CHST13: variants seen among roughly 807,000 people sequenced by gnomAD.
CHST13 encodes C4ST-3.
A neutral mutation model predicts 7.0 loss-of-function variants in CHST13; 1 was observed. The observed-to-expected ratio is 0.14, with a 90% CI of 0.05 to 0.68. The LOEUF (loss-of-function observed/expected upper bound fraction) is 0.68, where lower values mean the gene tolerates loss of function less well. CHST13 is among the 30% of genes least tolerant of loss of function. The pLI, the probability that CHST13 is intolerant of heterozygous loss-of-function variation, is 0.82. For synonymous variants in CHST13, 257 were observed against 240.9 expected (o/e 1.07, Z -0.62); for missense variants, 572 against 507.9 (o/e 1.13, Z -1.21).
intron 1 of CHST13, among the ~76,000 whole-genome samples, chr3:126,526,252 A>G (rs1936534733): frequency 6.6e-6 from 1 of 152,210 alleles, no homozygotes; most frequent in South Asian, 2.1e-4. Flanking sequence ...TGCAGGTGGC[A>G]CACAGGGAGG....
intron 1 of CHST13, among the ~76,000 whole-genome samples, 192 bp downstream of exon 1, chr3:126,524,621 T>C (rs969187672): frequency 4.6e-5 from 7 of 151,972 alleles, no homozygotes; most frequent in Non-Finnish European, 8.8e-5. Context: ...AGGCTCTTGC[T>C]CCTCCTCCGG....
chr3:126,529,648 CTT>C (rs1369620841), intron 1 of CHST13, among the ~76,000 whole-genome samples: 1 of 152,132 alleles, frequency 6.6e-6, no homozygotes, highest in African/African-American at 2.4e-5. Context: ...CCCCACCATG[CTT>C]TGTCTCCTTC....
At chr3:126,536,192 C>T (rs1274095846) in intron 1 of CHST13, 79 bp from the exon 2 acceptor site, 5 of 1,227,278 alleles carry the variant, frequency 4.1e-6, no homozygotes, top group Admixed American at 3.5e-5. Flanking sequence ...TCAAATGTGC[C>T]TAGATGGGTT....
Position 126,542,809 on chromosome 3 carries a change from C to A in CHST13, c.*231C>A, listed in dbSNP as rs1937000637. ...GCCTGTCGCCTGAGGCCTGCTTCCTCCACTTGCTCCAGCTGACAGGCACCT... is the reference window on the plus strand; with the variant it reads ...GCCTGTCGCCTGAGGCCTGCTTCCTACACTTGCTCCAGCTGACAGGCACCT... On this transcript the variant is annotated 3_prime_UTR_variant, in exon 3 of 3. Coordinates refer to ENST00000319340, the MANE Select transcript of CHST13 (RefSeq NM_152889.3). The A allele has an allele frequency of 2.1e-6, 1 of 468,002 alleles. No homozygotes were observed. Among genetic ancestry groups the A allele is most frequent in the Non-Finnish European group, 3.5e-6 (1 of 284,470 alleles). The allele number at this position is 468,002 out of a possible 1,614,324, so 29.0% of individuals were successfully genotyped here.
intron 2 of CHST13, among the ~76,000 whole-genome samples, chr3:126,539,792 C>A (rs1434373768): frequency 2.6e-5 from 1 of 37,958 alleles, no homozygotes; most frequent in East Asian, 9.2e-4. Context: ...CACCACACAC[C>A]ACAGACACCA....
chr3:126,528,416 C>T (rs1299236083), intron 1 of CHST13, among the ~76,000 whole-genome samples: 3 of 152,098 alleles, frequency 2.0e-5, no homozygotes, highest in East Asian at 1.9e-4. Flanking sequence ...TAAAGAGTGC[C>T]GTGGCTGGAG....
rs565486145 is a variant in CHST13 at position 126,541,354 on chromosome 3, A to C, written c.181-379A>C. On this transcript the variant is annotated intron_variant, in intron 2 of 2. Transcript: ENST00000319340. ...GCAGTTTTCAATTGGGTGTGGAATT[A>C]AACAGCGCTGCTTCTTATGCAGCCT... is the stretch of plus-strand genomic sequence containing the variant. Among the ~76,000 whole-genome samples, 10 of 152,332 alleles carry C rather than the reference A, an allele frequency of 6.6e-5. No homozygotes were observed. The South Asian group carries it at 1.9e-3, about 28-fold the overall frequency.
Position 126,542,393 on chromosome 3 carries a change from G to T in CHST13, c.841G>T (p.Ala281Ser). The stretch of plus-strand genomic sequence containing the variant: ...GGACGCGGCCTTCGTGCTGGGCCTG[G>T]CGGGCGCATCCGACCTGAGCTTCCC... ...AEDAAFVLGL[A>S]GASDLSFPGP... The change falls in exon 3 of 3, where the codon GCG becomes TCG. Residue 281 changes from alanine to serine, a missense_variant. Coordinates refer to ENST00000319340, the MANE Select transcript of CHST13 (RefSeq NM_152889.3). 6.4e-7 allele frequency: 1 copy of T among 1,556,474 alleles called. No individual in the cohort carries two copies. The highest frequency in any genetic ancestry group is 8.7e-7 in the Non-Finnish European group (1 of 1,153,402).
chr3:126,533,735 T>G (rs1045592661), intron 1 of CHST13, among the ~76,000 whole-genome samples: 14 of 152,216 alleles, frequency 9.2e-5, no homozygotes, highest in Admixed American at 9.2e-4. Flanking sequence ...ACTGGCCTTA[T>G]GTAATGAGTT....
At chr3:126,535,007 G>A (rs1936740887) in intron 1 of CHST13, among the ~76,000 whole-genome samples, 1 of 147,156 alleles carries the variant, frequency 6.8e-6, no homozygotes, top group Non-Finnish European at 1.5e-5. Context: ...CAGACAGACA[G>A]CATCCCTGTC....
intron 1 of CHST13, among the ~76,000 whole-genome samples, chr3:126,535,852 T>C (rs115383224): frequency 0.012 from 1,808 of 152,372 alleles, 36 homozygotes; most frequent in African/African-American, 0.041. Flanking sequence ...CCTTTCTGGC[T>C]GCCCATACAC....
intron 2 of CHST13, among the ~76,000 whole-genome samples, chr3:126,540,029 GCACACCA>G (rs1054436908): frequency 1.1e-4 from 13 of 123,696 alleles, no homozygotes; most frequent in African/African-American, 3.3e-4. Context: ...CCACACACAC[GCACACCA>G]CACACCACAC....
chr3:126,524,524 CTGT>C (rs1316986524), intron 1 of CHST13, 95 bp downstream of exon 1: 3 of 398,410 alleles, frequency 7.5e-6, no homozygotes, highest in African/African-American at 2.1e-5. Flanking sequence ...CGGGGGACAC[CTGT>C]TGTCTCCTTC....
At chr3:126,528,476 G>A (rs1249572137) in intron 1 of CHST13, among the ~76,000 whole-genome samples, 1 of 152,176 alleles carries the variant, frequency 6.6e-6, no homozygotes, top group African/African-American at 2.4e-5. Flanking sequence ...GCCTTGGGGG[G>A]AACCAGGGAT....
intron 1 of CHST13, among the ~76,000 whole-genome samples, chr3:126,533,827 A>G (rs1005599725): frequency 1.3e-5 from 2 of 152,178 alleles, no homozygotes; most frequent in South Asian, 4.1e-4. Context: ...AGTAAAATTT[A>G]CCAGTGAAGC....
At chr3:126,525,114 T>C (rs1485242483) in intron 1 of CHST13, among the ~76,000 whole-genome samples, 1 of 152,252 alleles carries the variant, frequency 6.6e-6, no homozygotes, top group East Asian at 1.9e-4. Flanking sequence ...ACAGGTGTGG[T>C]GGCAACGTGC....
chr3:126,541,113 TG>T (rs1402515345), intron 2 of CHST13, among the ~76,000 whole-genome samples: 21 of 152,276 alleles, frequency 1.4e-4, no homozygotes, highest in African/African-American at 5.1e-4. Context: ...GCGGTGAGGC[TG>T]CTGGCCCGCA....
chr3:126,529,332 C>T (rs1212578578), intron 1 of CHST13: 2 of 1,289,368 alleles, frequency 1.6e-6, no homozygotes, highest in Admixed American at 4.6e-5. Flanking sequence ...CTTCCCTGGG[C>T]TGGTATTTCC....
intron 1 of CHST13, among the ~76,000 whole-genome samples, chr3:126,535,212 C>G (rs1936753112): frequency 6.6e-6 from 1 of 151,638 alleles, no homozygotes; most frequent in African/African-American, 2.4e-5. Context: ...GCATCGCTGT[C>G]CCCAGCCGGT....
Sources: gnomAD v4.1 joint callset for allele counts (sites outside exome capture counted in the v4.1 genomes callset) on GRCh38, gnomAD v4.1.1 for gene constraint, MANE v1.5 for transcripts, NCBI Gene and HGNC (gene_info 2026-07-23, HGNC 2026-07-21) for gene names.